Variants in FSTL5 observed in about 807,000 individuals in gnomAD.
FSTL5 encodes follistatin-related protein 5.
FSTL5 carries 62 observed loss-of-function variants against 89.1 expected under a neutral mutation model. The ratio of observed to expected loss-of-function variants is 0.70; its 90% CI spans 0.57 to 0.86. The LOEUF is 0.86. Ranked by LOEUF, FSTL5 falls within the 40% of genes least tolerant of loss-of-function variation. The pLI is 0.00. For missense variants in FSTL5, 1,057 were observed against 1,001.6 expected, an observed-to-expected ratio of 1.06 and a Z score of -0.75; for synonymous variants, 383 against 346.2, an observed-to-expected ratio of 1.11 and a Z score of -1.18.
chr4:162,134,881 G>A (rs1248525242), intron 1 of FSTL5, among the ~76,000 whole-genome samples: 10 of 152,138 alleles, frequency 6.6e-5, no homozygotes, highest in African/African-American at 1.2e-4. Context: ...TGTTAAGTAG[G>A]GTTGTTATTA....
intron 1 of FSTL5, among the ~76,000 whole-genome samples, chr4:162,116,894 C>T (rs1383911653): frequency 1.3e-5 from 2 of 152,132 alleles, no homozygotes; most frequent in Non-Finnish European, 1.5e-5. Flanking sequence ...TTTGTGAGAC[C>T]TTCTCTGACA....
At chr4:161,775,750 T>C (rs1741385438) in intron 5 of FSTL5, 128 bp downstream of exon 5, 1 of 470,516 alleles carries the variant, frequency 2.1e-6, no homozygotes, top group Non-Finnish European at 3.7e-6. Flanking sequence ...AAAAATGTTG[T>C]TATTCATATA....
At chr4:161,831,799 C>CATATATATATAT (rs201582755) in intron 4 of FSTL5, among the ~76,000 whole-genome samples, 3 of 151,472 alleles carry the variant, frequency 2.0e-5, no homozygotes, top group African/African-American at 7.3e-5. Flanking sequence ...TATATAACAG[C>CATATATATATAT]ATATATATAC....
intron 13 of FSTL5, among the ~76,000 whole-genome samples, chr4:161,463,460 AATCATAT>A (rs1439271993): frequency 6.6e-6 from 1 of 152,214 alleles, no homozygotes; most frequent in African/African-American, 2.4e-5. Context: ...TCATCAACAG[AATCATAT>A]ATTAATGATA....
chr4:161,893,465 T>C (rs544891454), intron 4 of FSTL5, among the ~76,000 whole-genome samples: 1 of 152,252 alleles, frequency 6.6e-6, no homozygotes, highest in South Asian at 2.1e-4. Context: ...TTTTCTAATG[T>C]TCTCATCAAT....
chr4:162,049,515 T>A (rs1040150649), intron 2 of FSTL5, among the ~76,000 whole-genome samples: 5 of 152,180 alleles, frequency 3.3e-5, no homozygotes, highest in African/African-American at 1.2e-4. Flanking sequence ...AAAGGTACAC[T>A]TCTCAGTAGG....
At chr4:161,886,903 G>A (rs920368988) in intron 4 of FSTL5, among the ~76,000 whole-genome samples, 2 of 152,098 alleles carry the variant, frequency 1.3e-5, no homozygotes, top group African/African-American at 4.8e-5. Context: ...TGACATAAGC[G>A]ATATTCTACA....
chr4:161,508,730 C>A (rs2126497187), intron 11 of FSTL5, among the ~76,000 whole-genome samples: 1 of 151,854 alleles, frequency 6.6e-6, no homozygotes, highest in East Asian at 1.9e-4. Context: ...TACCAAAGTT[C>A]ATAGAAAGAG....
chr4:161,497,714 T>A (rs184255304), intron 12 of FSTL5, among the ~76,000 whole-genome samples: 120 of 152,148 alleles, frequency 7.9e-4, no homozygotes, highest in Non-Finnish European at 1.5e-3. Flanking sequence ...AATATTTATC[T>A]CACATGCAAT....
chr4:162,089,942 A>G (rs551179902), intron 2 of FSTL5, among the ~76,000 whole-genome samples: 1 of 152,138 alleles, frequency 6.6e-6, no homozygotes, highest in African/African-American at 2.4e-5. Flanking sequence ...TTATTATTAC[A>G]TATTTTTTCC....
intron 15 of FSTL5, among the ~76,000 whole-genome samples, chr4:161,427,706 A>G: frequency 6.6e-6 from 1 of 152,190 alleles, no homozygotes; most frequent in South Asian, 2.1e-4. Context: ...TAAAACACAC[A>G]TATATAAATG....
At chr4:161,554,585 T>C (rs1054827164) in intron 8 of FSTL5, among the ~76,000 whole-genome samples, 23 of 151,782 alleles carry the variant, frequency 1.5e-4, no homozygotes, top group Middle Eastern at 3.4e-3. Flanking sequence ...TCATTCTAAC[T>C]GAAAACAAAA....
At chr4:161,737,581 CA>C (rs2126768177) in intron 6 of FSTL5, among the ~76,000 whole-genome samples, 2 of 152,046 alleles carry the variant, frequency 1.3e-5, no homozygotes, top group South Asian at 4.1e-4. Flanking sequence ...CAGTTGAGCA[CA>C]AGTATGAAGT....
chr4:161,577,433 G>A (rs1381442625), intron 8 of FSTL5, among the ~76,000 whole-genome samples: 3 of 121,782 alleles, frequency 2.5e-5, no homozygotes, highest in African/African-American at 9.3e-5. Context: ...AAAACCAGCA[G>A]CAAAGGATGG....
rs574253197 is a variant in FSTL5 at position 161,841,818 on chromosome 4, G to A, written c.410-65744C>T. Among the ~76,000 whole-genome samples the A allele has an allele frequency of 4.6e-5, 7 of 152,174 alleles. No individual in the cohort carries two copies. The East Asian group carries it at 1.4e-3, about 29-fold the overall frequency. ...ATTTTATTGTTTATTCCACTAGTTG[G>A]CTCTTTAATAACTGTTTTTGATGTT... On this transcript the variant is annotated intron_variant, in intron 4 of 15. Coordinates refer to ENST00000306100, the MANE Select transcript of FSTL5 (RefSeq NM_020116.5).
At chr4:162,117,323 G>A (rs1484088202) in intron 1 of FSTL5, among the ~76,000 whole-genome samples, 1 of 152,210 alleles carries the variant, frequency 6.6e-6, no homozygotes, top group Non-Finnish European at 1.5e-5. Flanking sequence ...TTATCAAGTT[G>A]GAGAAGAGAA....
At chr4:161,564,145 C>G (rs193064042) in intron 8 of FSTL5, among the ~76,000 whole-genome samples, 1 of 151,604 alleles carries the variant, frequency 6.6e-6, no homozygotes, top group Non-Finnish European at 1.5e-5. Flanking sequence ...AAATCTCAGC[C>G]AGCCTAATTA....
At chr4:161,474,544 G>GTTTTT (rs147822987) in intron 13 of FSTL5, among the ~76,000 whole-genome samples, 1 of 121,840 alleles carries the variant, frequency 8.2e-6, no homozygotes, top group Non-Finnish European at 1.7e-5. Flanking sequence ...ATTGTGTAGT[G>GTTTTT]GTTTTTTTTT....
Position 161,385,698 on chromosome 4 carries a change from G to A in FSTL5, c.*49C>T. ...GTTGTAAATTTAAACAATGGATTAAGTGCAATGTATTGTAAAACGCTTCAT... is the reference window on the plus strand; with the variant it reads ...GTTGTAAATTTAAACAATGGATTAAATGCAATGTATTGTAAAACGCTTCAT... On this transcript the variant is annotated 3_prime_UTR_variant, in exon 16 of 16. Transcript: ENST00000306100. The A allele has an allele frequency of 7.9e-7, 1 of 1,266,408 alleles. No individual in the cohort carries two copies. The highest frequency in any genetic ancestry group is 1.4e-5 in the South Asian group (1 of 69,732). The allele number at this position is 1,266,408 out of a possible 1,614,324, so 78.4% of individuals were successfully genotyped here.
Sources: allele counts gnomAD v4.1 joint callset (sites outside exome capture counted in the v4.1 genomes callset), GRCh38; gene constraint gnomAD v4.1.1; transcripts MANE v1.5; gene names NCBI Gene and HGNC (gene_info 2026-07-23, HGNC 2026-07-21).